The following MTFP1 variants were observed in gnomAD, a reference collection of about 807,000 sequenced individuals.
MTFP1 encodes the protein mitochondrial fission process protein 1.
A neutral mutation model predicts 17.1 loss-of-function variants in MTFP1; 19 were observed. The ratio of observed to expected loss-of-function variants is 1.11; its 90% CI spans 0.77 to 1.63. MTFP1 has a LOEUF of 1.63. Ranked by LOEUF, MTFP1 falls within the 40% of genes most tolerant of loss-of-function variation. The probability of loss-of-function intolerance (pLI) is 0.00; values close to 1 mark genes in which losing one functional copy is unlikely to be tolerated. For missense variants in MTFP1, 221 were observed against 226.2 expected (o/e 0.98, Z 0.15); for synonymous variants, 89 against 95.2 (o/e 0.93, Z 0.38).
At chr22:30,427,150 A>G in intron 2 of MTFP1, 21 bp from the exon 3 acceptor site, 1 of 1,611,906 alleles carries the variant, frequency 6.2e-7, no homozygotes, top group Non-Finnish European at 8.5e-7. Context: ...CAGCTGGATT[A>G]AGTGTCTCTG....
Position 30,426,826 on chromosome 22 carries a change from A to C in MTFP1, c.177A>C (p.Lys59Asn), listed in dbSNP as rs765000376. The C allele has an allele frequency of 1.2e-6, 2 of 1,612,172 alleles. No individual in the cohort carries two copies. Among genetic ancestry groups the C allele is most frequent in the East Asian group, 4.5e-5 (2 of 44,888 alleles). The change falls in exon 2 of 4, where the codon AAA becomes AAC. Residue 59 changes from lysine to asparagine, a missense_variant. Lys to Asn is a moderately conservative substitution (Grantham distance 94). Transcript: ENST00000266263. ...SSYVLADAID[K>N]GKKAGEVPSP... The stretch of plus-strand genomic sequence containing the variant: ...ACGTGCTGGCGGATGCCATTGACAA[A>C]GGCAAGAAGGCTGGAGAGGTGAGTG...
At position 30,426,822 on chromosome 22, in the gene MTFP1, A is replaced by G; in HGVS notation, c.173A>G (p.Asp58Gly). 1.9e-6 allele frequency: 3 copies of G among 1,612,666 alleles called. No homozygotes were observed. Among genetic ancestry groups the G allele is most frequent in the Non-Finnish European group, 2.5e-6 (3 of 1,180,004 alleles). The change falls in exon 2 of 4, where the codon GAC (aspartate) becomes GGC (glycine). Residue 58 changes from aspartate to glycine, a missense_variant. Physicochemically the swap from Asp to Gly is moderately conservative, Grantham distance 94. Transcript: ENST00000266263. Reference protein sequence around the residue: ...ASSYVLADAIDKGKKAGEVPS... With the variant: ...ASSYVLADAIGKGKKAGEVPS... ...TCCTACGTGCTGGCGGATGCCATTG[A>G]CAAAGGCAAGAAGGCTGGAGAGGTG...
intron 3 of MTFP1, 137 bp downstream of exon 3, chr22:30,427,540 C>T (rs1276069673): frequency 4.4e-6 from 4 of 911,682 alleles, no homozygotes; most frequent in Middle Eastern, 3.4e-4. Context: ...ACAAGGCTGG[C>T]ACTTGGCTCC....
At position 30,426,709 on chromosome 22, in the gene MTFP1, TC is replaced by T. The variant is rs1314705993; in HGVS notation, c.68-3del. Reference sequence around the variant, plus strand: ...GCGAGCCTAGGAATTAAATGTTCCCTCCCCCAGGCTATGCCAATGAGGTGGG... The same window carrying T: ...GCGAGCCTAGGAATTAAATGTTCCCTCCCCAGGCTATGCCAATGAGGTGGG... On this transcript the variant is annotated splice_polypyrimidine_tract_variant and splice_region_variant and intron_variant, in intron 1 of 3. Transcript: ENST00000266263. 6.2e-7 allele frequency: 1 copy of T among 1,613,636 alleles called. No homozygotes were observed. The highest frequency in any genetic ancestry group is 1.1e-5 in the South Asian group (1 of 90,998).
At chr22:30,427,004 C>G in intron 2 of MTFP1, 160 bp downstream of exon 2, 1 of 1,385,400 alleles carries the variant, frequency 7.2e-7, no homozygotes, top group Non-Finnish European at 1.0e-6. Context: ...CAGTGTACCC[C>G]TGCCCCCACA....
In MTFP1 at chr22:30,425,944, T is replaced by TG. The variant is rs1271321467; in HGVS notation, c.67+1dup. 2.0e-6 allele frequency: 3 copies of TG among 1,517,686 alleles called. No individual in the cohort carries two copies. The highest frequency in any genetic ancestry group is 2.6e-6 in the Non-Finnish European group (3 of 1,132,598). The allele number at this position is 1,517,686 out of a possible 1,614,324, so 94.0% of individuals were successfully genotyped here. A position where few individuals can be genotyped will look rare whatever the true frequency, so the allele number is the denominator to read the frequency against. The stretch of plus-strand genomic sequence containing the variant: ...TACCGGGACACGTGGGTGCGATACC[T>TG]GGGTGAGCGCGGGGCGACGGGCGCG... On this transcript the variant is annotated frameshift_variant and splice_region_variant, in exon 1 of 4. Coordinates refer to ENST00000266263, the MANE Select transcript of MTFP1 (RefSeq NM_016498.5). LOFTEE classifies it high-confidence loss of function.
intron 2 of MTFP1, 151 bp from the exon 3 acceptor site, chr22:30,427,020 A>G: frequency 1.5e-6 from 2 of 1,348,278 alleles, no homozygotes; most frequent in Non-Finnish European, 1.1e-6. Context: ...CCACACTCCC[A>G]CTCCCCGAAC....
Position 30,426,754 on chromosome 22 carries a change from T to A in MTFP1, c.105T>A (p.Leu35=). ...AGGTGGGCGAGGCTTTCCGCTCTCT[T>A]GTGCCAGCGGCGGTGGTGTGGCTGA... is the stretch of plus-strand genomic sequence containing the variant. The part of the protein sequence containing the change: ...ANEVGEAFRS[L]VPAAVVWLSY... Residue 35 remains leucine (L), a synonymous_variant, in exon 2 of 4, where the codon CTT becomes CTA. Coordinates refer to ENST00000266263, the MANE Select transcript of MTFP1 (RefSeq NM_016498.5). 6.2e-7 allele frequency: 1 copy of A among 1,614,132 alleles called. No individual in the cohort carries two copies. The highest frequency in any genetic ancestry group is 8.5e-7 in the Non-Finnish European group (1 of 1,180,008).
At position 30,425,916 on chromosome 22, in the gene MTFP1, C is replaced by T; in HGVS notation, c.37C>T (p.Leu13Phe). The change falls in exon 1 of 4, where the codon CTC (leucine) becomes TTC (phenylalanine). Residue 13 changes from leucine to phenylalanine, a missense_variant. Transcript: ENST00000266263. ...EPQPRGAERD[L>F]YRDTWVRYLG... Reference sequence around the variant, plus strand: ...GCAGCCGCGGGGCGCAGAGCGCGATCTCTACCGGGACACGTGGGTGCGATA... The same window carrying T: ...GCAGCCGCGGGGCGCAGAGCGCGATTTCTACCGGGACACGTGGGTGCGATA... 1 of 1,534,698 alleles carries T rather than the reference C, an allele frequency of 6.5e-7. No individual in the cohort carries two copies. The highest frequency in any genetic ancestry group is 8.8e-7 in the Non-Finnish European group (1 of 1,141,008).
chr22:30,427,436 C>CTCTCCAGTGATGAGAGTGGATCATCCAG (rs1569217094), intron 3 of MTFP1, 33 bp downstream of exon 3: 1 of 1,584,456 alleles, frequency 6.3e-7, no homozygotes, highest in South Asian at 1.1e-5. Flanking sequence ...GGATCATCCA[C>CTCTCCAGTGATGAGAGTGGATCATCCAG]TCTCCAGTGA....
Position 30,427,263 on chromosome 22 carries a change from G to A in MTFP1, c.288G>A (p.Pro96=), listed in dbSNP as rs9606726. ...VWQALASVAI[P]GFTINRVCAA... is the part of the protein sequence containing the mutation. ...AGGCTCTAGCCTCTGTGGCCATTCC[G>A]GGCTTCACCATCAACCGCGTGTGTG... is the stretch of plus-strand genomic sequence containing the variant. The change falls in exon 3 of 4, where the codon CCG becomes CCA. Residue 96 remains proline (P), a synonymous_variant. Coordinates refer to ENST00000266263, the MANE Select transcript of MTFP1 (RefSeq NM_016498.5). The A allele has an allele frequency of 0.018, 28,434 of 1,613,992 alleles. 307 individuals are homozygous for A. Among genetic ancestry groups the A allele is most frequent in the Non-Finnish European group, 0.021 (24,987 of 1,180,026 alleles).
At position 30,428,556 on chromosome 22, in the gene MTFP1, G is replaced by A. The variant is rs1934710808; in HGVS notation, c.*22G>A. The A allele has an allele frequency of 1.5e-5, 24 of 1,614,180 alleles. No individual in the cohort carries two copies. Among genetic ancestry groups the A allele is most frequent in the Non-Finnish European group, 1.9e-5 (22 of 1,180,024 alleles). On this transcript the variant is annotated 3_prime_UTR_variant, in exon 4 of 4. Coordinates refer to ENST00000266263, the MANE Select transcript of MTFP1 (RefSeq NM_016498.5). ...CTGATCATACTCTGGTACCTGGCCTGTGCATCGGCCTCCTGCTTCATGTCA... is the reference window on the plus strand; with the variant it reads ...CTGATCATACTCTGGTACCTGGCCTATGCATCGGCCTCCTGCTTCATGTCA...
In MTFP1 at chr22:30,425,842, G is replaced by C; in HGVS notation, c.-38G>C. On this transcript the variant is annotated 5_prime_UTR_variant, in exon 1 of 4. Coordinates refer to ENST00000266263, the MANE Select transcript of MTFP1 (RefSeq NM_016498.5). ...GGCGGCGGAGACTGCAGTGGAGCCAGTACCGGCTGTAGTGGCCGGGGCCGT... is the reference window on the plus strand; with the variant it reads ...GGCGGCGGAGACTGCAGTGGAGCCACTACCGGCTGTAGTGGCCGGGGCCGT... 4 of 1,523,718 alleles carry C rather than the reference G, an allele frequency of 2.6e-6. No homozygotes were observed. Among genetic ancestry groups the C allele is most frequent in the Non-Finnish European group, 3.5e-6 (4 of 1,137,290 alleles). The allele number at this position is 1,523,718 out of a possible 1,614,324, so 94.4% of individuals were successfully genotyped here.
In MTFP1 at chr22:30,428,756, A is replaced by G. The variant is rs1441332955; in HGVS notation, c.*222A>G. 1.4e-6 allele frequency: 2 copies of G among 1,393,974 alleles called. No homozygotes were observed. The highest frequency in any genetic ancestry group is 3.6e-5 in the Admixed American group (2 of 55,690). The allele number at this position is 1,393,974 out of a possible 1,614,324, so 86.4% of individuals were successfully genotyped here. ...ACGCTGTCTGCTTCCCTGGAATCCAAGATGCTGAGTGGAAGTGGACCCTGG... is the reference window on the plus strand; with the variant it reads ...ACGCTGTCTGCTTCCCTGGAATCCAGGATGCTGAGTGGAAGTGGACCCTGG... On this transcript the variant is annotated 3_prime_UTR_variant, in exon 4 of 4. Transcript: ENST00000266263.
chr22:30,427,013 C>T (rs1476514018), intron 2 of MTFP1, 158 bp from the exon 3 acceptor site: 4 of 1,354,664 alleles, frequency 3.0e-6, no homozygotes, highest in Non-Finnish European at 4.2e-6. Flanking sequence ...CCTGCCCCCA[C>T]ACTCCCACTC....
Position 30,428,589 on chromosome 22 carries a change from A to G in MTFP1, c.*55A>G. 1 of 1,613,312 alleles carries G rather than the reference A, an allele frequency of 6.2e-7. No individual in the cohort carries two copies. The highest frequency in any genetic ancestry group is 8.5e-7 in the Non-Finnish European group (1 of 1,179,842). On this transcript the variant is annotated 3_prime_UTR_variant, in exon 4 of 4. Coordinates refer to ENST00000266263, the MANE Select transcript of MTFP1 (RefSeq NM_016498.5). Reference sequence around the variant, plus strand: ...GCCTCCTGCTTCATGTCAACCTCCTACTCCTGCCAGGGAATGTGGACACCT... The same window carrying G: ...GCCTCCTGCTTCATGTCAACCTCCTGCTCCTGCCAGGGAATGTGGACACCT...
At chr22:30,427,489 G>GA (rs1188862452) in intron 3 of MTFP1, 86 bp downstream of exon 3, 3 of 1,411,170 alleles carry the variant, frequency 2.1e-6, no homozygotes, top group Non-Finnish European at 3.0e-6. Flanking sequence ...TAGACTCTGT[G>GA]AAGTGTGGGG....
intron 1 of MTFP1, 67 bp downstream of exon 1, chr22:30,426,013 C>T (rs1031946762): frequency 2.2e-6 from 3 of 1,379,212 alleles, no homozygotes; most frequent in Non-Finnish European, 1.9e-6. Context: ...GGTCGCCGGA[C>T]GCCCGCCCGG....
intron 1 of MTFP1, 118 bp downstream of exon 1, chr22:30,426,064 TTTGGGCCGGAGA>T: frequency 9.7e-7 from 1 of 1,029,338 alleles, no homozygotes; most frequent in Non-Finnish European, 1.3e-6. Context: ...TCATTCTGCT[TTTGGGCCGGAGA>T]CTGGGCTCAG....
Sources: allele counts gnomAD v4.1 joint callset, GRCh38; gene constraint gnomAD v4.1.1; transcripts MANE v1.5; gene names NCBI Gene and HGNC (gene_info 2026-07-23, HGNC 2026-07-21).